Variants in IQCH observed in about 807,000 individuals in gnomAD.
IQCH encodes the protein IQ motif containing H.
In IQCH, 98 loss-of-function variants were observed where a neutral mutation model predicts 117.0. That is an observed-to-expected ratio of 0.84 (90% CI 0.71 to 0.99). The LOEUF (loss-of-function observed/expected upper bound fraction) is 0.99, where lower values mean the gene tolerates loss of function less well. IQCH is among the 50% of genes least tolerant of loss of function. IQCH has a pLI of 0.00. For missense variants in IQCH, 1,102 were observed against 1,243.8 expected (o/e 0.89, Z 1.72); for synonymous variants, 412 against 448.2 (o/e 0.92, Z 1.02).
chr15:67,283,203 TG>T (rs1966433271), intron 4 of IQCH, among the ~76,000 whole-genome samples: 1 of 152,204 alleles, frequency 6.6e-6, no homozygotes, highest in South Asian at 2.1e-4. Context: ...CAAAGCCAGT[TG>T]TTGAACCCCC....
chr15:67,442,004 C>CTGTG (rs1421054020), intron 16 of IQCH, among the ~76,000 whole-genome samples: 10 of 152,114 alleles, frequency 6.6e-5, no homozygotes, highest in Admixed American at 1.3e-4. Flanking sequence ...GACTAATATC[C>CTGTG]AGAATCTACA....
chr15:67,474,206 C>T lies in IQCH; in HGVS notation c.2677-1490C>T, dbSNP rs570087231. Reference sequence around the variant, plus strand: ...CGTTATCTCAGAGACAGGAGGCGAGCCAGAGGCCTGATTATAATGCATGTC... The same window carrying T: ...CGTTATCTCAGAGACAGGAGGCGAGTCAGAGGCCTGATTATAATGCATGTC... On this transcript the variant is annotated intron_variant, in intron 17 of 20. Coordinates refer to ENST00000335894, the MANE Select transcript of IQCH (RefSeq NM_001031715.3). This position sits in a 1 kb window ranked among gnomAD's most constrained non-coding sequence, Gnocchi z 4.1. Among the ~76,000 whole-genome samples, 4 of 151,940 alleles carry T rather than the reference C, an allele frequency of 2.6e-5. No homozygotes were observed. The highest frequency in any genetic ancestry group is 4.4e-5 in the Non-Finnish European group (3 of 68,004).
At position 67,359,780 on chromosome 15, in the gene IQCH, T is replaced by C; in HGVS notation, c.715-67T>C. 5 of 1,373,582 alleles carry C rather than the reference T, an allele frequency of 3.6e-6. No individual in the cohort carries two copies. In the South Asian group the frequency reaches 4.6e-5, roughly 13 times the overall value. 85.1% of individuals were successfully genotyped at this position (1,373,582 alleles called of 1,614,324 possible). A position where few individuals can be genotyped will look rare whatever the true frequency, so the allele number is the denominator to read the frequency against. On this transcript the variant is annotated intron_variant, in intron 7 of 20. Coordinates refer to ENST00000335894, the MANE Select transcript of IQCH (RefSeq NM_001031715.3). The surrounding 1 kb of genome is among the most constrained non-coding windows in gnomAD (Gnocchi z 4.5). Reference sequence around the variant, plus strand: ...GAAGGGGGTGAGGCTCTGAGCCTTCTATTTGTTTTGTAAAATTGCCCATGA... The same window carrying C: ...GAAGGGGGTGAGGCTCTGAGCCTTCCATTTGTTTTGTAAAATTGCCCATGA...
intron 4 of IQCH, among the ~76,000 whole-genome samples, chr15:67,289,284 G>T (rs1346942603): frequency 6.6e-6 from 1 of 152,098 alleles, no homozygotes; most frequent in East Asian, 1.9e-4. Context: ...TCAGCAGTAT[G>T]GAAAAAGAGA....
rs1356552796 is a variant in IQCH at position 67,501,071 on chromosome 15, G to C, written c.*325G>C. The C allele has an allele frequency of 6.0e-6, 1 of 166,312 alleles. No individual in the cohort carries two copies. Among genetic ancestry groups the C allele is most frequent in the South Asian group, 2.0e-4 (1 of 5,110 alleles). The allele number at this position is 166,312 out of a possible 1,614,324, so 10.3% of individuals were successfully genotyped here. ...CACCTCCGCATTTACTTCCTCATAG[G>C]CCTCAGGATTATGTAGCTTTTATTT... is the stretch of plus-strand genomic sequence containing the variant. On this transcript the variant is annotated 3_prime_UTR_variant, in exon 21 of 21. Coordinates refer to ENST00000335894, the MANE Select transcript of IQCH (RefSeq NM_001031715.3). The surrounding 1 kb of genome is among the most constrained non-coding windows in gnomAD (Gnocchi z 5.2).
intron 8 of IQCH, 108 bp from the exon 9 acceptor site, chr15:67,372,003 C>A (rs151197300): frequency 1.0e-6 from 1 of 961,670 alleles, no homozygotes; most frequent in Admixed American, 2.6e-5. Flanking sequence ...GGATTCATAT[C>A]TTCCCACCAT....
intron 4 of IQCH, among the ~76,000 whole-genome samples, chr15:67,280,820 C>G (rs1325991381): frequency 1.4e-5 from 2 of 143,478 alleles, no homozygotes; most frequent in Non-Finnish European, 3.0e-5. Flanking sequence ...AACTTCAGAA[C>G]AATCCTAGAA....
In IQCH at chr15:67,365,942, AG is replaced by A. The variant is rs1217045225; in HGVS notation, c.753+6058del. ...AAGACTCTGTCTCAAAAACAAAAAA[AG>A]AATACATATGTAGGTATAGAGAATA... On this transcript the variant is annotated intron_variant, in intron 8 of 20. Transcript: ENST00000335894. This position sits in a 1 kb window ranked among gnomAD's most constrained non-coding sequence, Gnocchi z 4.4. Among the ~76,000 whole-genome samples, 1 of 151,966 alleles carries A rather than the reference AG, an allele frequency of 6.6e-6. No individual in the cohort carries two copies. Among genetic ancestry groups the A allele is most frequent in the South Asian group, 2.1e-4 (1 of 4,822 alleles).
chr15:67,376,376 A>C lies in IQCH; in HGVS notation c.1372+2943A>C, dbSNP rs1378907168. The stretch of plus-strand genomic sequence containing the variant: ...CTCTAAATGTACTGGAAGAAAACTA[A>C]TCTATTCAATCTAGTAATTTCATTT... On this transcript the variant is annotated intron_variant, in intron 10 of 20. Transcript: ENST00000335894. This position sits in a 1 kb window ranked among gnomAD's most constrained non-coding sequence, Gnocchi z 5.0. Among the ~76,000 whole-genome samples the C allele has an allele frequency of 6.6e-6, 1 of 152,224 alleles. No homozygotes were observed. Among genetic ancestry groups the C allele is most frequent in the African/African-American group, 2.4e-5 (1 of 41,456 alleles).
At chr15:67,273,890 G>T (rs913846398) in intron 3 of IQCH, among the ~76,000 whole-genome samples, 1 of 152,170 alleles carries the variant, frequency 6.6e-6, no homozygotes, top group Non-Finnish European at 1.5e-5. Context: ...TTGTCCGTCT[G>T]GGAAAGACTT....
chr15:67,440,778 T>C (rs1363629210), intron 16 of IQCH, among the ~76,000 whole-genome samples: 2 of 152,028 alleles, frequency 1.3e-5, no homozygotes, highest in Admixed American at 1.3e-4. Flanking sequence ...TGGGGAAAAG[T>C]TGAAAGCATT....
intron 17 of IQCH, among the ~76,000 whole-genome samples, chr15:67,471,706 C>A (rs1355983963): frequency 6.6e-6 from 1 of 152,352 alleles, no homozygotes; most frequent in East Asian, 1.9e-4. Flanking sequence ...TGAGAGCTTA[C>A]TGTGTGCCAG....
Position 67,490,175 on chromosome 15 carries a change from G to C in IQCH, c.2861+111G>C. On this transcript the variant is annotated intron_variant, in intron 19 of 20. Coordinates refer to ENST00000335894, the MANE Select transcript of IQCH (RefSeq NM_001031715.3). The surrounding 1 kb of genome is among the most constrained non-coding windows in gnomAD (Gnocchi z 4.9). ...TAATCAGCATGCTGATTTATTAGAAGTCTATCTTTATTTAGATCTTCAGGT... is the reference window on the plus strand; with the variant it reads ...TAATCAGCATGCTGATTTATTAGAACTCTATCTTTATTTAGATCTTCAGGT... 1.3e-6 allele frequency: 1 copy of C among 794,490 alleles called. No individual in the cohort carries two copies. The highest frequency in any genetic ancestry group is 2.1e-6 in the Non-Finnish European group (1 of 467,054). 49.2% of individuals were successfully genotyped at this position (794,490 alleles called of 1,614,324 possible).
chr15:67,355,112 C>A (rs192832696), intron 6 of IQCH, among the ~76,000 whole-genome samples: 2 of 152,136 alleles, frequency 1.3e-5, no homozygotes, highest in Admixed American at 1.3e-4. Flanking sequence ...TTATTCTAAT[C>A]CATTCATGGA....
At chr15:67,331,413 A>G (rs910414336) in intron 4 of IQCH, among the ~76,000 whole-genome samples, 1 of 152,204 alleles carries the variant, frequency 6.6e-6, no homozygotes, top group Non-Finnish European at 1.5e-5. Flanking sequence ...ATATAAGGAA[A>G]CAAATTGAAT....
At chr15:67,327,374 T>C (rs1359801550) in intron 4 of IQCH, among the ~76,000 whole-genome samples, 3 of 152,172 alleles carry the variant, frequency 2.0e-5, no homozygotes, top group Non-Finnish European at 4.4e-5. Flanking sequence ...AATGTCTGAA[T>C]ATTTTGATAC....
chr15:67,442,415 A>G (rs2082292430), intron 16 of IQCH, among the ~76,000 whole-genome samples: 1 of 152,148 alleles, frequency 6.6e-6, no homozygotes, highest in African/African-American at 2.4e-5. Flanking sequence ...CATCTAAAAA[A>G]AAAAAAGAAA....
chr15:67,362,030 A>G (rs1229606056), intron 8 of IQCH, among the ~76,000 whole-genome samples: 1 of 152,158 alleles, frequency 6.6e-6, no homozygotes, highest in Non-Finnish European at 1.5e-5. Context: ...CTATAGGAGT[A>G]CAGACCAACT....
chr15:67,282,456 G>A (rs1404048175), intron 4 of IQCH, among the ~76,000 whole-genome samples: 2 of 152,002 alleles, frequency 1.3e-5, no homozygotes, highest in Non-Finnish European at 2.9e-5. Context: ...AATGCTATGA[G>A]GATGGGTGAG....
Sources: gnomAD v4.1 joint callset for allele counts (sites outside exome capture counted in the v4.1 genomes callset) on GRCh38, gnomAD v4.1.1 for gene constraint, Gnocchi (gnomAD v3.1) non-coding constraint, MANE v1.5 for transcripts, NCBI Gene and HGNC (gene_info 2026-07-23, HGNC 2026-07-21) for gene names.